CFAP97: variants seen among roughly 807,000 people sequenced by gnomAD.
The protein encoded by CFAP97 is cilia- and flagella-associated protein 97.
In CFAP97, 36 loss-of-function variants were observed where a neutral mutation model predicts 43.1. The ratio of observed to expected loss-of-function variants is 0.84; its 90% confidence interval spans 0.64 to 1.10. The LOEUF (loss-of-function observed/expected upper bound fraction) is 1.10, where lower values mean the gene tolerates loss of function less well. CFAP97 is among the 50% of genes least tolerant of loss of function. The pLI is 0.00. For missense variants in CFAP97, 657 were observed against 620.3 expected, an observed-to-expected ratio of 1.06 and a Z score of -0.63; for synonymous variants, 228 against 225.7, an observed-to-expected ratio of 1.01 and a Z score of -0.09.
chr4:185,173,710 G>A (rs763486371), intron 3 of CFAP97, among the ~76,000 whole-genome samples: 2 of 152,116 alleles, frequency 1.3e-5, no homozygotes, highest in Non-Finnish European at 2.9e-5. Context: ...ACAGAAAGCA[G>A]ACTAGATGCC....
At chr4:185,200,640 C>CAA (rs541601995) in intron 1 of CFAP97, among the ~76,000 whole-genome samples, 7 of 139,668 alleles carry the variant, frequency 5.0e-5, no homozygotes, top group Non-Finnish European at 7.8e-5. Flanking sequence ...GATTCTGTCT[C>CAA]AAAAAAAAAA....
chr4:185,169,948 T>C (rs1735229742), intron 3 of CFAP97: 1 of 1,015,324 alleles, frequency 9.8e-7, no homozygotes, highest in South Asian at 4.6e-5. Context: ...AAAAGTACTG[T>C]TAATCAACAG....
At chr4:185,178,316 T>G (rs1735641744) in intron 2 of CFAP97, among the ~76,000 whole-genome samples, 1 of 141,886 alleles carries the variant, frequency 7.0e-6, no homozygotes, top group Non-Finnish European at 1.5e-5. Flanking sequence ...GGCGTGATCT[T>G]GGTTCACTGC....
chr4:185,186,081 G>A (rs1041311686), intron 2 of CFAP97, among the ~76,000 whole-genome samples: 1 of 152,084 alleles, frequency 6.6e-6, no homozygotes, highest in African/African-American at 2.4e-5. Context: ...TGAAATTCAC[G>A]ATTAAAAGTT....
rs1734858576 is a variant in CFAP97 at position 185,161,079 on chromosome 4, A to C, written c.*1719T>G. On this transcript the variant is annotated 3_prime_UTR_variant, in exon 5 of 5. Coordinates refer to ENST00000458385, the MANE Select transcript of CFAP97 (RefSeq NM_020827.3). ...AAATATAGGTTATATAAACAGTAAA[A>C]GTACAGTAAGTTAAAAAACAAAAGA... 1 of 152,064 alleles carries C rather than the reference A, an allele frequency of 6.6e-6. No homozygotes were observed. Among genetic ancestry groups the C allele is most frequent in the South Asian group, 2.1e-4 (1 of 4,836 alleles). 9.4% of individuals were successfully genotyped at this position (152,064 alleles called of 1,614,324 possible).
chr4:185,167,893 G>A (rs1385252834), intron 3 of CFAP97, among the ~76,000 whole-genome samples: 5 of 151,496 alleles, frequency 3.3e-5, no homozygotes, highest in African/African-American at 9.7e-5. Flanking sequence ...CAGCTACTCC[G>A]GAGGCTGAGG....
At chr4:185,206,329 G>C (rs116813891), upstream of CFAP97, among the ~76,000 whole-genome samples, 1 of 152,144 alleles carries the variant, frequency 6.6e-6, no homozygotes, top group Admixed American at 6.5e-5. Flanking sequence ...TGACTTGTGC[G>C]CCTCTGGTCC....
In CFAP97 at chr4:185,162,748, G is replaced by A. The variant is rs778900867; in HGVS notation, c.*50C>T. On this transcript the variant is annotated 3_prime_UTR_variant, in exon 5 of 5. Coordinates refer to ENST00000458385, the MANE Select transcript of CFAP97 (RefSeq NM_020827.3). ...CACAGAGAATTATAGGAATATGCAC[G>A]AGCACTTCAAGAAAAGTTGTGTGAA... is the stretch of plus-strand genomic sequence containing the variant. 1.6e-5 allele frequency: 25 copies of A among 1,576,670 alleles called. No individual in the cohort carries two copies. The highest frequency in any genetic ancestry group is 9.4e-5 in the African/African-American group (7 of 74,274).
chr4:185,202,927 G>A (rs1180815904), intron 1 of CFAP97, among the ~76,000 whole-genome samples: 1 of 152,082 alleles, frequency 6.6e-6, no homozygotes, highest in African/African-American at 2.4e-5. Context: ...ATTTACCAGA[G>A]AATAAGAAAA....
At chr4:185,171,427 A>G (rs1215448191) in intron 3 of CFAP97, among the ~76,000 whole-genome samples, 1 of 152,204 alleles carries the variant, frequency 6.6e-6, no homozygotes, top group Non-Finnish European at 1.5e-5. Flanking sequence ...AAAGGAAAAT[A>G]AGTTAACTCC....
At chr4:185,173,719 C>T (rs11730009) in intron 3 of CFAP97, among the ~76,000 whole-genome samples, 33,508 of 151,968 alleles carry the variant, frequency 0.22, 3,887 homozygotes, top group Middle Eastern at 0.28. Flanking sequence ...AGACTAGATG[C>T]CCTTAGAGGA....
intron 1 of CFAP97, among the ~76,000 whole-genome samples, chr4:185,203,577 G>C (rs771999074): frequency 2.6e-5 from 4 of 152,162 alleles, no homozygotes; most frequent in Non-Finnish European, 5.9e-5. Flanking sequence ...CAAGTAGGAA[G>C]AAGTCGTCAG....
Position 185,177,217 on chromosome 4 carries a change from A to T in CFAP97, c.1055-1166T>A, listed in dbSNP as rs529706990. Reference sequence around the variant, plus strand: ...TGCCTGAGGTCAGGAGTTCGAGATCAGCCTGGACAACATGGTGAAACCCTA... The same window carrying T: ...TGCCTGAGGTCAGGAGTTCGAGATCTGCCTGGACAACATGGTGAAACCCTA... On this transcript the variant is annotated intron_variant, in intron 2 of 4. Coordinates refer to ENST00000458385, the MANE Select transcript of CFAP97 (RefSeq NM_020827.3). Among the ~76,000 whole-genome samples the T allele has an allele frequency of 5.9e-5, 9 of 152,182 alleles. No individual in the cohort carries two copies. In the South Asian group the frequency reaches 1.9e-3, roughly 32 times the overall value.
At chr4:185,188,067 T>C (rs971635334) in intron 2 of CFAP97, among the ~76,000 whole-genome samples, 3 of 151,690 alleles carry the variant, frequency 2.0e-5, no homozygotes, top group Non-Finnish European at 4.4e-5. Flanking sequence ...CAGCTAATTT[T>C]TGTATTTTTA....
At chr4:185,192,681 A>T (rs988696089) in intron 1 of CFAP97, among the ~76,000 whole-genome samples, 11 of 151,588 alleles carry the variant, frequency 7.3e-5, no homozygotes, top group African/African-American at 2.7e-4. Flanking sequence ...TATTACTGAT[A>T]AGCTTAAGAT....
intron 2 of CFAP97, among the ~76,000 whole-genome samples, chr4:185,179,004 A>G (rs77993314): frequency 6.6e-6 from 1 of 152,178 alleles, no homozygotes; most frequent in Non-Finnish European, 1.5e-5. Context: ...CGCTAAAAAA[A>G]TCATAAAAAG....
At chr4:185,204,641 A>T (rs1737107337), upstream of CFAP97, among the ~76,000 whole-genome samples, 1 of 152,230 alleles carries the variant, frequency 6.6e-6, no homozygotes, top group South Asian at 2.1e-4. Context: ...GATTTAGCTG[A>T]TGTGATTAAG....
chr4:185,172,920 T>TATG (rs1392357055), intron 3 of CFAP97, among the ~76,000 whole-genome samples: 1 of 149,140 alleles, frequency 6.7e-6, no homozygotes, highest in Non-Finnish European at 1.5e-5. Flanking sequence ...TAAGGTTGAG[T>TATG]ATGAGAAGGC....
chr4:185,202,561 AC>A (rs1207658508), intron 1 of CFAP97, among the ~76,000 whole-genome samples: 3 of 151,796 alleles, frequency 2.0e-5, no homozygotes, highest in Non-Finnish European at 2.9e-5. Flanking sequence ...AAACAAACAA[AC>A]AAAAAAAATC....
Sources: allele counts gnomAD v4.1 joint callset (sites outside exome capture counted in the v4.1 genomes callset), GRCh38; gene constraint gnomAD v4.1.1; transcripts MANE v1.5; gene names NCBI Gene and HGNC (gene_info 2026-07-23, HGNC 2026-07-21).